The following PANX2 variants were observed in gnomAD, a reference collection of about 807,000 sequenced individuals.
The protein encoded by PANX2 is pannexin-2.
In PANX2, 30 loss-of-function variants were observed where a neutral mutation model predicts 38.7. The observed-to-expected ratio is 0.78, with a 90% confidence interval of 0.58 to 1.05. The LOEUF is 1.05. Ranked by LOEUF, PANX2 falls within the 50% of genes least tolerant of loss-of-function variation. PANX2 has a pLI of 0.00. For missense variants in PANX2, 880 were observed against 979.3 expected, an observed-to-expected ratio of 0.90 and a Z score of 1.35; for synonymous variants, 539 against 472.1, an observed-to-expected ratio of 1.14 and a Z score of -1.84.
intron 1 of PANX2, 66 bp downstream of exon 1, chr22:50,171,022 C>T: frequency 9.7e-6 from 8 of 825,718 alleles, no homozygotes; most frequent in South Asian, 2.5e-5. Context: ...CGGGAGCTGG[C>T]GCTTCCCGCG....
intron 1 of PANX2, among the ~76,000 whole-genome samples, chr22:50,172,114 G>T (rs1008739935): frequency 6.6e-6 from 1 of 152,240 alleles, no homozygotes; most frequent in Non-Finnish European, 1.5e-5. Flanking sequence ...AGAGCAGGGA[G>T]CCCAGGCGTG....
At chr22:50,178,518 G>C in intron 2 of PANX2, 116 bp downstream of exon 2, 1 of 659,052 alleles carries the variant, frequency 1.5e-6, no homozygotes, top group Non-Finnish European at 2.4e-6. Flanking sequence ...GGCCTGGCTT[G>C]AGGCCCCCTC....
intron 2 of PANX2, 73 bp downstream of exon 2, chr22:50,178,475 G>A: frequency 9.2e-7 from 1 of 1,088,590 alleles, no homozygotes; most frequent in Non-Finnish European, 1.2e-6. Context: ...AGCGGCCCAC[G>A]GGAGCCTGGC....
chr22:50,175,016 G>A lies in PANX2; in HGVS notation c.227-1923G>A, dbSNP rs185887921. ...ATGCCTTGGGGCCCCCAAAGGGCCG[G>A]GCCGGTCACCTGCAGTGAGTCAAGG... is the stretch of plus-strand genomic sequence containing the variant. On this transcript the variant is annotated intron_variant, in intron 1 of 2. Coordinates refer to ENST00000395842, the MANE Select transcript of PANX2 (RefSeq NM_052839.4). 3.6e-3 allele frequency among the ~76,000 whole-genome samples: 551 copies of A among 152,338 alleles called. 5 individuals are homozygous for A. The highest frequency in any genetic ancestry group is 0.012 in the African/African-American group (519 of 41,580).
chr22:50,172,723 C>G lies in PANX2; in HGVS notation c.226+1767C>G, dbSNP rs538637143. 4.0e-5 allele frequency among the ~76,000 whole-genome samples: 6 copies of G among 150,604 alleles called. No individual in the cohort carries two copies. The South Asian group carries it at 1.3e-3, about 32-fold the overall frequency. On this transcript the variant is annotated intron_variant, in intron 1 of 2. Coordinates refer to ENST00000395842, the MANE Select transcript of PANX2 (RefSeq NM_052839.4). Reference sequence around the variant, plus strand: ...CCCTTTTCTCTTCTTCACCACCCCCCCGCTTTTTTTATTTTTATTTTTTGA... The same window carrying G: ...CCCTTTTCTCTTCTTCACCACCCCCGCGCTTTTTTTATTTTTATTTTTTGA...
chr22:50,178,214 C>T lies in PANX2; in HGVS notation c.1502C>T (p.Pro501Leu), dbSNP rs1569068891. 1.3e-4 allele frequency: 198 copies of T among 1,468,822 alleles called. 2 individuals are homozygous for T. The East Asian group carries it at 4.9e-3, about 36-fold the overall frequency. 91.0% of individuals were successfully genotyped at this position (1,468,822 alleles called of 1,614,324 possible). A position where few individuals can be genotyped will look rare whatever the true frequency, so the allele number is the denominator to read the frequency against. Residue 501 changes from proline to leucine, a missense_variant, in exon 2 of 3, where the codon CCG becomes CTG. By Grantham distance (98) the Pro-to-Leu change is moderately conservative (BLOSUM62 -3). Around this residue, in one of 4 missense-constraint regions of PANX2, gnomAD observed 445 missense variants for 404.3 expected, o/e 1.10. Coordinates refer to ENST00000395842, the MANE Select transcript of PANX2 (RefSeq NM_052839.4). ...PGPGPAPAPAPPPAPDKKHAR... is the reference protein window; with the variant it reads ...PGPGPAPAPALPPAPDKKHAR... ...CCCGGCCCCGCCCCTGCCCCCGCCC[C>T]GCCGCCCGCCCCTGACAAGAAGCAC...
At chr22:50,173,786 TG>T (rs1373050074) in intron 1 of PANX2, among the ~76,000 whole-genome samples, 1 of 152,206 alleles carries the variant, frequency 6.6e-6, no homozygotes, top group Admixed American at 6.5e-5. Flanking sequence ...TTCCTGGCCT[TG>T]CAGCCCTTCC....
chr22:50,179,349 C>A lies in PANX2; in HGVS notation c.*72C>A. On this transcript the variant is annotated 3_prime_UTR_variant, in exon 3 of 3. Transcript: ENST00000395842. Reference sequence around the variant, plus strand: ...GTGGCCTGGCCAGCCTCCCGGTGGACACCAGCCCTGCGTGGACGTGGCCTG... The same window carrying A: ...GTGGCCTGGCCAGCCTCCCGGTGGAAACCAGCCCTGCGTGGACGTGGCCTG... The A allele has an allele frequency of 7.3e-7, 1 of 1,366,806 alleles. No individual in the cohort carries two copies. Among genetic ancestry groups the A allele is most frequent in the Non-Finnish European group, 1.0e-6 (1 of 978,794 alleles). 84.7% of individuals were successfully genotyped at this position (1,366,806 alleles called of 1,614,324 possible).
chr22:50,178,277 T>G lies in PANX2; in HGVS notation c.1565T>G (p.Leu522Arg). 7.0e-7 allele frequency: 1 copy of G among 1,430,850 alleles called. No homozygotes were observed. The highest frequency in any genetic ancestry group is 9.2e-7 in the Non-Finnish European group (1 of 1,081,504). The allele number at this position is 1,430,850 out of a possible 1,614,324, so 88.6% of individuals were successfully genotyped here. The change falls in exon 2 of 3, where the codon CTC becomes CGC. Residue 522 changes from leucine (L) to arginine (R), a missense_variant. By Grantham distance (102) the Leu-to-Arg change is moderately radical (BLOSUM62 -2). Coordinates refer to ENST00000395842, the MANE Select transcript of PANX2 (RefSeq NM_052839.4). ...TCCCTGGACGTGCACCCCTACATCCTCGGCACCAAGAAGGCCAAGGCCGAG... is the reference window on the plus strand; with the variant it reads ...TCCCTGGACGTGCACCCCTACATCCGCGGCACCAAGAAGGCCAAGGCCGAG... ...HFSLDVHPYILGTKKAKAEAV... is the reference protein window; with the variant it reads ...HFSLDVHPYIRGTKKAKAEAV...
At chr22:50,176,198 G>A (rs561248803) in intron 1 of PANX2, among the ~76,000 whole-genome samples, 2 of 152,366 alleles carry the variant, frequency 1.3e-5, no homozygotes, top group Admixed American at 6.5e-5. Context: ...ACTGCCGTTC[G>A]TGTCATTGTC....
rs2063690299 is a variant in PANX2, at chr22:50,179,974, T to TGTATGTACGA, written c.*700_*709dup. ...AGAGGTGAGCGTGAGCGAGCGGGTG[T>TGTATGTACGA]GTATGTACGAGTGTGCACGTGTGTG... On this transcript the variant is annotated 3_prime_UTR_variant, in exon 3 of 3. Transcript: ENST00000395842. 6.5e-6 allele frequency: 1 copy of TGTATGTACGA among 153,280 alleles called. No individual in the cohort carries two copies. Among genetic ancestry groups the TGTATGTACGA allele is most frequent in the African/African-American group, 2.4e-5 (1 of 41,480 alleles). The allele number at this position is 153,280 out of a possible 1,614,324, so 9.5% of individuals were successfully genotyped here. A position where few individuals can be genotyped will look rare whatever the true frequency, so the allele number is the denominator to read the frequency against.
rs995560527 is a variant in PANX2, at chr22:50,180,274, A to G, written c.*997A>G. The G allele has an allele frequency of 4.6e-5, 7 of 152,278 alleles. No homozygotes were observed. Among genetic ancestry groups the G allele is most frequent in the African/African-American group, 1.7e-4 (7 of 41,478 alleles). The allele number at this position is 152,278 out of a possible 1,614,324, so 9.4% of individuals were successfully genotyped here. ...TAACAAGGTAGCACCGAGCATATCA[A>G]TAAATATTATTCTGATAATCACCTG... On this transcript the variant is annotated 3_prime_UTR_variant, in exon 3 of 3. Transcript: ENST00000395842.
intron 1 of PANX2, 41 bp from the exon 2 acceptor site, chr22:50,176,898 G>T (rs2063663831): frequency 6.7e-7 from 1 of 1,481,968 alleles, no homozygotes; most frequent in Non-Finnish European, 8.9e-7. Flanking sequence ...CCCAGCCCGT[G>T]CGCCTCCCCG....
Position 50,177,390 on chromosome 22 carries a change from G to A in PANX2, c.678G>A (p.Leu226=), listed in dbSNP as rs1244889894. 6.2e-7 allele frequency: 1 copy of A among 1,609,678 alleles called. No individual in the cohort carries two copies. The highest frequency in any genetic ancestry group is 8.5e-7 in the Non-Finnish European group (1 of 1,178,620). ...RRGRSNFLAK[L]YLARHVLILL... is the part of the protein sequence containing the mutation. ...GCCGCAGCAACTTCCTGGCCAAGCT[G>A]TACCTGGCGCGGCACGTGCTGATCC... Residue 226 remains leucine (L), a synonymous_variant, in exon 2 of 3, where the codon CTG becomes CTA. Transcript: ENST00000395842.
intron 2 of PANX2, among the ~76,000 whole-genome samples, chr22:50,178,692 G>A (rs1032640068): frequency 1.3e-5 from 2 of 152,306 alleles, no homozygotes; most frequent in East Asian, 3.9e-4. Flanking sequence ...CTAGAGCTCC[G>A]CGTGCGTGGT....
In PANX2 at chr22:50,170,909, T is replaced by C. The variant is rs756738663; in HGVS notation, c.179T>C (p.Leu60Pro). The C allele has an allele frequency of 3.3e-6, 5 of 1,529,742 alleles. No homozygotes were observed. The highest frequency in any genetic ancestry group is 1.4e-5 in the African/African-American group (1 of 70,078). The allele number at this position is 1,529,742 out of a possible 1,614,324, so 94.8% of individuals were successfully genotyped here. A position where few individuals can be genotyped will look rare whatever the true frequency, so the allele number is the denominator to read the frequency against. Residue 60 changes from leucine (L) to proline (P), a missense_variant, in exon 1 of 3, where the codon CTG becomes CCG. Coordinates refer to ENST00000395842, the MANE Select transcript of PANX2 (RefSeq NM_052839.4). ...FDRVVTIGTV[L>P]VPILLVTLVF... Reference sequence around the variant, plus strand: ...CGGGTGGTCACCATCGGCACCGTGCTGGTGCCCATCCTGCTGGTCACCCTG... The same window carrying C: ...CGGGTGGTCACCATCGGCACCGTGCCGGTGCCCATCCTGCTGGTCACCCTG...
rs559974458 is a variant in PANX2, at chr22:50,179,340, C to T, written c.*63C>T. 10 of 1,433,302 alleles carry T rather than the reference C, an allele frequency of 7.0e-6. No homozygotes were observed. The highest frequency in any genetic ancestry group is 1.2e-5 in the South Asian group (1 of 81,060). The allele number at this position is 1,433,302 out of a possible 1,614,324, so 88.8% of individuals were successfully genotyped here. On this transcript the variant is annotated 3_prime_UTR_variant, in exon 3 of 3. Transcript: ENST00000395842. ...CTGTGTCGTGTGGCCTGGCCAGCCT[C>T]CCGGTGGACACCAGCCCTGCGTGGA... is the stretch of plus-strand genomic sequence containing the variant.
At chr22:50,178,660 C>G (rs1009802729) in intron 2 of PANX2, among the ~76,000 whole-genome samples, 1 of 152,200 alleles carries the variant, frequency 6.6e-6, no homozygotes, top group African/African-American at 2.4e-5. Flanking sequence ...AGGCTGGAAG[C>G]GACGTGCTCC....
chr22:50,178,171 G>T lies in PANX2; in HGVS notation c.1459G>T (p.Gly487Ter), dbSNP rs1164697744. ...CCGCTCCGCCCACCACTACAAGGGC[G>T]GAGGGGGCGACCCGGGCCCCGGCCC... ...LDRSAHHYKG[G>*]GGDPGPGPAP... Residue 487 changes from glycine to a stop codon, truncating the protein, a stop_gained, in exon 2 of 3, where the codon GGA becomes TGA. Transcript: ENST00000395842. LOFTEE classifies it high-confidence loss of function. The T allele has an allele frequency of 6.7e-6, 10 of 1,497,406 alleles. No individual in the cohort carries two copies. The highest frequency in any genetic ancestry group is 1.4e-5 in the African/African-American group (1 of 69,398). 92.8% of individuals were successfully genotyped at this position (1,497,406 alleles called of 1,614,324 possible).
Sources: allele counts gnomAD v4.1 joint callset (sites outside exome capture counted in the v4.1 genomes callset), GRCh38; gene constraint gnomAD v4.1.1; regional missense constraint gnomAD v4.1.1; transcripts MANE v1.5; gene names NCBI Gene and HGNC (gene_info 2026-07-23, HGNC 2026-07-21).